Variants in SUGCT observed in about 807,000 individuals in gnomAD.
SUGCT encodes the protein succinyl-CoA:glutarate CoA-transferase.
Under a neutral mutation model 55.0 loss-of-function variants are expected in SUGCT, and 41 were observed. That is an observed-to-expected ratio of 0.74 (90% CI 0.58 to 0.97). The LOEUF (loss-of-function observed/expected upper bound fraction) is 0.97. Ranked by LOEUF, SUGCT falls within the 50% of genes least tolerant of loss-of-function variation. The pLI, the probability that SUGCT is intolerant of heterozygous loss-of-function variation, is 0.00. For synonymous variants in SUGCT, 187 were observed against 200.4 expected, an observed-to-expected ratio of 0.93 and a Z score of 0.56; for missense variants, 568 against 547.8, an observed-to-expected ratio of 1.04 and a Z score of -0.37.
At chr7:40,267,831 G>A (rs1791704560) in intron 7 of SUGCT, among the ~76,000 whole-genome samples, 2 of 152,216 alleles carry the variant, frequency 1.3e-5, no homozygotes, top group South Asian at 4.1e-4. Context: ...TTCAATGATA[G>A]GAATATATTT....
chr7:40,532,580 T>C (rs1794159494), intron 12 of SUGCT, among the ~76,000 whole-genome samples: 1 of 151,356 alleles, frequency 6.6e-6, no homozygotes, highest in Non-Finnish European at 1.5e-5. Flanking sequence ...ATTTGCTGTG[T>C]TTGTGGATCG....
chr7:40,278,260 A>G (rs534702225), intron 8 of SUGCT, among the ~76,000 whole-genome samples: 1 of 152,308 alleles, frequency 6.6e-6, no homozygotes, highest in Admixed American at 6.5e-5. Context: ...GGCAATCATT[A>G]AAAAGTCAGG....
chr7:40,423,067 C>T (rs1037636076), intron 9 of SUGCT, among the ~76,000 whole-genome samples: 1 of 152,094 alleles, frequency 6.6e-6, no homozygotes, highest in African/African-American at 2.4e-5. Context: ...GCCTGAGGCA[C>T]AGAGAGGTTA....
chr7:40,461,235 GGC>G (rs1789780817), intron 11 of SUGCT, among the ~76,000 whole-genome samples: 2 of 152,114 alleles, frequency 1.3e-5, no homozygotes, highest in African/African-American at 4.8e-5. Flanking sequence ...CTTAGTGCTT[GGC>G]TTTGAGAAGT....
At chr7:40,887,306 G>A in the SUGCT span, among the ~76,000 whole-genome samples, 4 of 152,316 alleles carry the variant, frequency 2.6e-5, no homozygotes, top group South Asian at 6.2e-4. Context: ...CATATTTGGA[G>A]ACTGTGTTGG....
At chr7:41,002,484 T>C in the SUGCT span, among the ~76,000 whole-genome samples, 17 of 152,110 alleles carry the variant, frequency 1.1e-4, no homozygotes, top group Non-Finnish European at 2.1e-4. Context: ...ATGTAGAAGA[T>C]AGGACAGAAG....
chr7:40,436,174 C>T (rs1788167266), intron 9 of SUGCT, among the ~76,000 whole-genome samples: 1 of 151,958 alleles, frequency 6.6e-6, no homozygotes. Context: ...AACTCCTGAC[C>T]TCAGGTGATC....
At chr7:40,357,452 C>G (rs980835110) in intron 9 of SUGCT, among the ~76,000 whole-genome samples, 1 of 152,140 alleles carries the variant, frequency 6.6e-6, no homozygotes. Context: ...CTACCACATG[C>G]GTGACACTGT....
chr7:40,389,892 A>T (rs956799492), intron 9 of SUGCT, among the ~76,000 whole-genome samples: 1 of 152,218 alleles, frequency 6.6e-6, no homozygotes, highest in African/African-American at 2.4e-5. Flanking sequence ...TCAATAAAAT[A>T]CTGGCAAACC....
chr7:40,464,741 C>G (rs928976867), intron 11 of SUGCT, among the ~76,000 whole-genome samples: 1 of 152,166 alleles, frequency 6.6e-6, no homozygotes, highest in Admixed American at 6.5e-5. Context: ...GGGAAAGAAA[C>G]CATCCTGTGA....
At chr7:40,801,597 A>C (rs1363584459) in intron 13 of SUGCT, among the ~76,000 whole-genome samples, 2 of 152,176 alleles carry the variant, frequency 1.3e-5, no homozygotes, top group Non-Finnish European at 2.9e-5. Flanking sequence ...TCTTAACCAT[A>C]AAAATGAAGA....
At chr7:40,476,433 G>C (rs938429852) in intron 11 of SUGCT, among the ~76,000 whole-genome samples, 1 of 152,080 alleles carries the variant, frequency 6.6e-6, no homozygotes, top group South Asian at 2.1e-4. Flanking sequence ...AAAATATGAT[G>C]ATGAGGGAAA....
intron 12 of SUGCT, among the ~76,000 whole-genome samples, chr7:40,561,681 G>A (rs1001019641): frequency 7.4e-5 from 11 of 147,728 alleles, no homozygotes; most frequent in African/African-American, 2.8e-4. Context: ...AGATGCTTAA[G>A]CCGAGTCTTT....
chr7:40,652,743 A>G (rs1250589274), intron 12 of SUGCT, among the ~76,000 whole-genome samples: 2 of 152,204 alleles, frequency 1.3e-5, no homozygotes, highest in Non-Finnish European at 2.9e-5. Context: ...AAAAATCTGT[A>G]TTGCTATAAT....
At chr7:40,169,304 G>A (rs1177570740) in intron 1 of SUGCT, among the ~76,000 whole-genome samples, 1 of 152,156 alleles carries the variant, frequency 6.6e-6, no homozygotes, top group Non-Finnish European at 1.5e-5. Context: ...GTGACTGCCT[G>A]TCCTAGGACC....
intron 12 of SUGCT, among the ~76,000 whole-genome samples, chr7:40,554,752 G>A (rs1369185961): frequency 6.6e-6 from 1 of 152,288 alleles, no homozygotes; most frequent in Non-Finnish European, 1.5e-5. Flanking sequence ...CCTATCAACA[G>A]TTGTACTTTT....
chr7:40,846,128 T>C (rs1793543198), intron 13 of SUGCT, among the ~76,000 whole-genome samples: 1 of 152,188 alleles, frequency 6.6e-6, no homozygotes, highest in Non-Finnish European at 1.5e-5. Flanking sequence ...TTTGAAGGAC[T>C]ATGGAGCTTA....
intron 3 of SUGCT, among the ~76,000 whole-genome samples, chr7:40,187,447 A>G (rs1468726878): frequency 6.6e-6 from 1 of 152,176 alleles, no homozygotes; most frequent in Non-Finnish European, 1.5e-5. Flanking sequence ...ATAAAAAAAA[A>G]AAGAATTGTG....
intron 13 of SUGCT, among the ~76,000 whole-genome samples, chr7:40,751,147 T>C (rs1196609267): frequency 6.6e-6 from 1 of 152,110 alleles, no homozygotes; most frequent in Non-Finnish European, 1.5e-5. Context: ...ACTTATAACA[T>C]GACACTGAGG....
Sources: allele counts gnomAD v4.1 joint callset (sites outside exome capture counted in the v4.1 genomes callset), GRCh38; gene constraint gnomAD v4.1.1; transcripts MANE v1.5; gene names NCBI Gene and HGNC (gene_info 2026-07-23, HGNC 2026-07-21).